TMEM178B: variants seen among roughly 807,000 people sequenced by gnomAD.
TMEM178B encodes the protein transmembrane protein 178B.
A neutral mutation model predicts 31.0 loss-of-function variants in TMEM178B; 5 were observed. The observed-to-expected ratio is 0.16, with a 90% confidence interval of 0.08 to 0.34. The LOEUF is 0.34. TMEM178B is among the 10% of genes least tolerant of loss of function. The pLI is 1.00. For missense variants in TMEM178B, 275 were observed against 400.3 expected, an observed-to-expected ratio of 0.69 and a Z score of 2.67; for synonymous variants, 164 against 164.0, an observed-to-expected ratio of 1.00 and a Z score of 0.00.
chr7:141,319,311 G>T (rs978604481), intron 2 of TMEM178B, among the ~76,000 whole-genome samples: 2 of 152,200 alleles, frequency 1.3e-5, no homozygotes, highest in Non-Finnish European at 2.9e-5. Flanking sequence ...AGAAGACTCA[G>T]GTGTTCCCTC....
At chr7:141,109,126 A>G (rs1005588336) in intron 1 of TMEM178B, among the ~76,000 whole-genome samples, 2 of 152,190 alleles carry the variant, frequency 1.3e-5, no homozygotes, top group Non-Finnish European at 2.9e-5. Flanking sequence ...TGTGGGAATT[A>G]TGGGAGTACA....
At chr7:141,131,660 T>C (rs2129177819) in intron 1 of TMEM178B, among the ~76,000 whole-genome samples, 1 of 152,368 alleles carries the variant, frequency 6.6e-6, no homozygotes, top group East Asian at 1.9e-4. Flanking sequence ...AGTAGTATCC[T>C]CATAGTATGA....
chr7:141,494,202 C>G, the TMEM178B span, among the ~76,000 whole-genome samples: 1 of 152,130 alleles, frequency 6.6e-6, no homozygotes, highest in South Asian at 2.1e-4. Flanking sequence ...ATAAGGATCC[C>G]CTGACTCTGC....
intron 2 of TMEM178B, chr7:141,414,447 C>T (rs1801061148): frequency 3.9e-5 from 6 of 152,572 alleles, no homozygotes; most frequent in African/African-American, 1.4e-4. Flanking sequence ...ATTTCTATAA[C>T]CATATACCAA....
intron 1 of TMEM178B, among the ~76,000 whole-genome samples, chr7:141,146,103 A>G (rs1795845827): frequency 6.6e-6 from 1 of 152,234 alleles, no homozygotes; most frequent in African/African-American, 2.4e-5. Flanking sequence ...GTAGGTGTTA[A>G]TACCCTCACT....
intron 2 of TMEM178B, among the ~76,000 whole-genome samples, chr7:141,429,046 G>A (rs559396784): frequency 1.3e-5 from 2 of 152,020 alleles, no homozygotes; most frequent in South Asian, 4.2e-4. Flanking sequence ...ATGGAGAAAG[G>A]GAACCCTTAT....
chr7:141,114,821 G>A (rs1795292760), intron 1 of TMEM178B, among the ~76,000 whole-genome samples: 2 of 152,358 alleles, frequency 1.3e-5, no homozygotes, highest in South Asian at 4.1e-4. Flanking sequence ...AAAGAATGTA[G>A]TAAGATATTT....
chr7:141,226,588 C>T (rs754391391), intron 2 of TMEM178B, among the ~76,000 whole-genome samples: 4 of 152,154 alleles, frequency 2.6e-5, no homozygotes, highest in Admixed American at 2.0e-4. Context: ...CGTGGAGGCT[C>T]ATGCCTGTAA....
At chr7:141,481,914 A>G (rs1735460013), downstream of TMEM178B, among the ~76,000 whole-genome samples, 2 of 152,130 alleles carry the variant, frequency 1.3e-5, no homozygotes, top group East Asian at 1.9e-4. Context: ...GATGGGGAAG[A>G]CGTTCTCACC....
At chr7:141,482,150 C>G (rs1365272398), downstream of TMEM178B, among the ~76,000 whole-genome samples, 1 of 152,208 alleles carries the variant, frequency 6.6e-6, no homozygotes, top group African/African-American at 2.4e-5. Context: ...GGGAAACACA[C>G]CTACTCCTCC....
Position 141,262,474 on chromosome 7 carries a change from A to AATATATATATAT in TMEM178B, c.496+49789_496+49800dup, listed in dbSNP as rs10570183. On this transcript the variant is annotated intron_variant, in intron 2 of 3. Transcript: ENST00000565468. ...AATGGAAAGCTTGATAAATACATAT[A>AATATATATATAT]ATATATATATATATATATATATATA... 2.8e-3 allele frequency among the ~76,000 whole-genome samples: 367 copies of AATATATATATAT among 131,736 alleles called. 3 individuals carry two copies. The highest frequency in any genetic ancestry group is 9.0e-3 in the African/African-American group (303 of 33,808). The allele number at this position is 131,736 out of a possible 152,430, so 86.4% of individuals were successfully genotyped here. A position where few individuals can be genotyped will look rare whatever the true frequency, so the allele number is the denominator to read the frequency against.
Position 141,074,352 on chromosome 7 carries a change from A to T in TMEM178B, c.42A>T (p.Leu14=), listed in dbSNP as rs1024598431. ...TACTGCTCTACACTGGCCTCTCGCT[A>T]GCGCTCTGCGCCCTCGGCATGCTGG... The part of the protein sequence containing the change: ...GRLLLYTGLS[L]ALCALGMLAV... Residue 14 remains leucine, a synonymous_variant, in exon 1 of 4, where the codon CTA becomes CTT. Transcript: ENST00000565468. This position sits in a 1 kb window ranked among gnomAD's most constrained non-coding sequence, Gnocchi z 5.1. 4.0e-5 allele frequency: 62 copies of T among 1,535,946 alleles called. No individual in the cohort carries two copies. Among genetic ancestry groups the T allele is most frequent in the Non-Finnish European group, 5.4e-5 (62 of 1,146,852 alleles).
chr7:141,091,212 G>T (rs563958866), intron 1 of TMEM178B, among the ~76,000 whole-genome samples: 3 of 152,206 alleles, frequency 2.0e-5, no homozygotes, highest in East Asian at 3.9e-4. Context: ...AATAACCATT[G>T]GGTAGGCATT....
intron 2 of TMEM178B, among the ~76,000 whole-genome samples, chr7:141,330,945 C>A (rs1208826493): frequency 6.6e-6 from 1 of 152,184 alleles, no homozygotes; most frequent in Non-Finnish European, 1.5e-5. Context: ...AGCCAACAGG[C>A]TTTGCTCATA....
At chr7:141,206,369 G>C (rs1796962876) in intron 1 of TMEM178B, among the ~76,000 whole-genome samples, 1 of 152,156 alleles carries the variant, frequency 6.6e-6, no homozygotes, top group South Asian at 2.1e-4. Flanking sequence ...GTGAGAGGAA[G>C]AGCCCTGGAG....
intron 3 of TMEM178B, among the ~76,000 whole-genome samples, chr7:141,467,767 A>G (rs1410965656): frequency 6.6e-6 from 1 of 152,176 alleles, no homozygotes; most frequent in Non-Finnish European, 1.5e-5. Context: ...CACCACAGAC[A>G]TCTTCATATC....
intron 2 of TMEM178B, among the ~76,000 whole-genome samples, chr7:141,302,845 G>A (rs564259714): frequency 1.4e-4 from 22 of 152,268 alleles, no homozygotes; most frequent in Admixed American, 6.5e-4. Flanking sequence ...ACTGCATGCC[G>A]GAGAGCAAAA....
intron 2 of TMEM178B, among the ~76,000 whole-genome samples, chr7:141,335,505 G>A (rs115892894): frequency 4.9e-4 from 75 of 152,296 alleles, no homozygotes; most frequent in African/African-American, 1.7e-3. Context: ...CAATTGGACA[G>A]GCACCCTGTG....
Position 141,269,293 on chromosome 7 carries a change from G to A in TMEM178B, c.496+56589G>A, listed in dbSNP as rs568190232. Among the ~76,000 whole-genome samples the A allele has an allele frequency of 4.3e-4, 66 of 152,018 alleles. 1 individual carries two copies. The highest frequency in any genetic ancestry group is 1.4e-3 in the African/African-American group (59 of 41,482). The stretch of plus-strand genomic sequence containing the variant: ...TTTAGTAGAGATGGGGTTTCACCAC[G>A]CTGGCCAGGCTGGTTTTGAACTCCT... On this transcript the variant is annotated intron_variant, in intron 2 of 3. Transcript: ENST00000565468.
Sources: allele counts gnomAD v4.1 joint callset (sites outside exome capture counted in the v4.1 genomes callset), GRCh38; gene constraint gnomAD v4.1.1; non-coding constraint Gnocchi (gnomAD v3.1); transcripts MANE v1.5; gene names NCBI Gene and HGNC (gene_info 2026-07-23, HGNC 2026-07-21).